SHISA6: variants seen among roughly 807,000 people sequenced by gnomAD.
SHISA6 encodes the protein shisa family member 6.
Under a neutral mutation model 47.9 loss-of-function variants are expected in SHISA6, and 22 were observed. The ratio of observed to expected loss-of-function variants is 0.46; its 90% CI spans 0.33 to 0.66. SHISA6 has a LOEUF of 0.66. Ranked by LOEUF, SHISA6 falls within the 30% of genes least tolerant of loss-of-function variation. The probability of loss-of-function intolerance (pLI) is 0.02; values close to 1 mark genes in which losing one functional copy is unlikely to be tolerated. For missense variants in SHISA6, 680 were observed against 764.6 expected, an observed-to-expected ratio of 0.89 and a Z score of 1.30; for synonymous variants, 388 against 337.8, an observed-to-expected ratio of 1.15 and a Z score of -1.63.
At chr17:11,251,865 C>T (rs556565203) in intron 1 of SHISA6, among the ~76,000 whole-genome samples, 2 of 152,266 alleles carry the variant, frequency 1.3e-5, no homozygotes, top group South Asian at 4.1e-4. Flanking sequence ...GTGTTTTACT[C>T]TCCAGCTCCC....
chr17:11,412,946 T>G (rs1221915159), intron 3 of SHISA6, among the ~76,000 whole-genome samples: 1 of 152,148 alleles, frequency 6.6e-6, no homozygotes, highest in Admixed American at 6.5e-5. Context: ...GGAAGTCACT[T>G]TCTAACATTA....
intron 2 of SHISA6, among the ~76,000 whole-genome samples, chr17:11,374,222 A>T (rs928298175): frequency 1.3e-5 from 2 of 151,232 alleles, no homozygotes; most frequent in Admixed American, 6.6e-5. Context: ...TCTTTTCCCT[A>T]TTTTTTTAAT....
intron 2 of SHISA6, among the ~76,000 whole-genome samples, chr17:11,303,501 G>A (rs555608882): frequency 6.6e-6 from 1 of 152,218 alleles, no homozygotes; most frequent in South Asian, 2.1e-4. Flanking sequence ...GTGTGTGACT[G>A]TGAGCATGGT....
chr17:11,356,165 A>G (rs1202782708), intron 2 of SHISA6, among the ~76,000 whole-genome samples: 2 of 152,230 alleles, frequency 1.3e-5, no homozygotes, highest in African/African-American at 4.8e-5. Context: ...AATTAGCTTA[A>G]TGAGCAAACC....
chr17:11,558,356 G>A lies in SHISA6; in HGVS notation c.*52G>A, dbSNP rs889188335. On this transcript the variant is annotated 3_prime_UTR_variant, in exon 6 of 6. Transcript: ENST00000441885. Reference sequence around the variant, plus strand: ...GGCGTGGCAGAGCAGAGCGGGGGCCGGGAGGGGCCAGGAGCAGAGCTTCTA... The same window carrying A: ...GGCGTGGCAGAGCAGAGCGGGGGCCAGGAGGGGCCAGGAGCAGAGCTTCTA... 1.5e-5 allele frequency: 22 copies of A among 1,498,462 alleles called. No homozygotes were observed. Among genetic ancestry groups the A allele is most frequent in the Middle Eastern group, 1.7e-4 (1 of 5,814 alleles). The allele number at this position is 1,498,462 out of a possible 1,614,324, so 92.8% of individuals were successfully genotyped here.
At chr17:11,367,623 G>A (rs1912499851) in intron 2 of SHISA6, among the ~76,000 whole-genome samples, 1 of 152,166 alleles carries the variant, frequency 6.6e-6, no homozygotes, top group Non-Finnish European at 1.5e-5. Flanking sequence ...ACACACCCCA[G>A]GTGCTGTTCT....
At chr17:11,545,710 C>T (rs1316705937) in intron 3 of SHISA6, among the ~76,000 whole-genome samples, 1 of 152,180 alleles carries the variant, frequency 6.6e-6, no homozygotes, top group East Asian at 1.9e-4. Context: ...TCAGGTAGGA[C>T]AGCTAGAAGG....
chr17:11,548,571 T>C (rs1050848260), intron 3 of SHISA6, among the ~76,000 whole-genome samples: 1 of 152,118 alleles, frequency 6.6e-6, no homozygotes, highest in Non-Finnish European at 1.5e-5. Context: ...TGAGGAAATC[T>C]ATCAATCTAC....
At chr17:11,460,869 C>A (rs1455518597) in intron 3 of SHISA6, among the ~76,000 whole-genome samples, 1 of 152,172 alleles carries the variant, frequency 6.6e-6, no homozygotes, top group African/African-American at 2.4e-5. Context: ...ATGGACAAGT[C>A]CCTGAATGTG....
At chr17:11,392,486 A>C (rs1243785893) in intron 3 of SHISA6, among the ~76,000 whole-genome samples, 1 of 152,094 alleles carries the variant, frequency 6.6e-6, no homozygotes. Flanking sequence ...GGTTATTATA[A>C]AAGTGAGTTT....
chr17:11,381,271 G>T (rs986588757), intron 3 of SHISA6, among the ~76,000 whole-genome samples: 3 of 152,108 alleles, frequency 2.0e-5, no homozygotes, highest in African/African-American at 7.2e-5. Context: ...TCAACCAACA[G>T]AACTCTTTAT....
chr17:11,381,429 A>G (rs957320672), intron 3 of SHISA6, among the ~76,000 whole-genome samples: 1 of 152,226 alleles, frequency 6.6e-6, no homozygotes, highest in Non-Finnish European at 1.5e-5. Flanking sequence ...AACAGACAAA[A>G]TAAATTATTG....
At chr17:11,429,816 AATC>A (rs1914700619) in intron 3 of SHISA6, among the ~76,000 whole-genome samples, 1 of 104,384 alleles carries the variant, frequency 9.6e-6, no homozygotes, top group Non-Finnish European at 2.1e-5. Context: ...AAATAAATCC[AATC>A]AATCAATCAA....
chr17:11,369,861 G>A (rs1442252229), intron 2 of SHISA6, among the ~76,000 whole-genome samples: 1 of 152,138 alleles, frequency 6.6e-6, no homozygotes, highest in East Asian at 1.9e-4. Context: ...GGCGCGCTGG[G>A]GTCCCCTGAA....
chr17:11,532,482 C>CGT (rs1567631512), intron 3 of SHISA6, among the ~76,000 whole-genome samples: 1 of 151,952 alleles, frequency 6.6e-6, no homozygotes, highest in African/African-American at 2.4e-5. Context: ...GCTGTGCGCG[C>CGT]GCGTGTGTGT....
intron 3 of SHISA6, among the ~76,000 whole-genome samples, chr17:11,466,526 T>C (rs1915814078): frequency 6.6e-6 from 1 of 152,140 alleles, no homozygotes; most frequent in East Asian, 1.9e-4. Context: ...GGGCTTACTG[T>C]TCAGCCTGCC....
chr17:11,294,491 G>C (rs1271790517), intron 2 of SHISA6, among the ~76,000 whole-genome samples: 1 of 152,188 alleles, frequency 6.6e-6, no homozygotes, highest in Non-Finnish European at 1.5e-5. Flanking sequence ...TGAGCAGGTT[G>C]CTCCCCGCGT....
chr17:11,512,523 T>G (rs1051296158), intron 3 of SHISA6, among the ~76,000 whole-genome samples: 59 of 152,354 alleles, frequency 3.9e-4, no homozygotes, highest in African/African-American at 1.4e-3. Context: ...TTTTTGAAAT[T>G]GTATTTCAAA....
intron 2 of SHISA6, among the ~76,000 whole-genome samples, chr17:11,304,996 CAA>C (rs756017512): frequency 4.8e-4 from 73 of 152,182 alleles, no homozygotes; most frequent in Non-Finnish European, 9.1e-4. Flanking sequence ...TTATGTGGTT[CAA>C]AGAGTCCTTC....
Sources: allele counts gnomAD v4.1 joint callset (sites outside exome capture counted in the v4.1 genomes callset), GRCh38; gene constraint gnomAD v4.1.1; transcripts MANE v1.5; gene names NCBI Gene and HGNC (gene_info 2026-07-23, HGNC 2026-07-21).